The following HTATSF1 variants were observed in gnomAD, a reference collection of about 807,000 sequenced individuals.
HTATSF1 encodes 17S U2 SnRNP complex component HTATSF1.
A neutral mutation model predicts 46.1 loss-of-function variants in HTATSF1; 6 were observed. That is an observed-to-expected ratio of 0.13 (90% CI 0.07 to 0.26). The LOEUF is 0.26. HTATSF1 is among the 10% of genes least tolerant of loss of function. The pLI, the probability that HTATSF1 is intolerant of heterozygous loss-of-function variation, is 1.00. For missense variants in HTATSF1, 452 were observed against 559.9 expected, an observed-to-expected ratio of 0.81 and a Z score of 1.94; for synonymous variants, 226 against 211.5, an observed-to-expected ratio of 1.07 and a Z score of -0.60.
chrX:136,499,616 G>T lies in HTATSF1; in HGVS notation c.205G>T (p.Ala69Ser). The part of the protein sequence containing the change: ...WFPKITEDFI[A>S]TYQANYGFSN... ...TGTGTAGATTACTGAAGATTTCATT[G>T]CTACATATCAGGCCAATTATGGCTT... is the stretch of plus-strand genomic sequence containing the variant. The change falls in exon 2 of 9, where the codon GCT (alanine) becomes TCT (serine). Residue 69 changes from alanine to serine, a missense_variant. By Grantham distance (99) the Ala-to-Ser change is moderately conservative (BLOSUM62 1). Coordinates refer to ENST00000218364, the MANE Select transcript of HTATSF1 (RefSeq NM_014500.5). 1.7e-6 allele frequency: 2 copies of T among 1,171,273 alleles called. No homozygotes were observed. Among genetic ancestry groups the T allele is most frequent in the African/African-American group, 1.8e-5 (1 of 55,350 alleles).
rs1043193362 is a variant in HTATSF1, at chrX:136,504,403, C to A, written c.774C>A (p.Ser258=). 3.6e-5 allele frequency: 44 copies of A among 1,208,923 alleles called. No homozygotes were observed. The highest frequency in any genetic ancestry group is 4.7e-5 in the Non-Finnish European group (42 of 894,410). Residue 258 remains serine, a synonymous_variant, in exon 6 of 9, where the codon TCC becomes TCA. Coordinates refer to ENST00000218364, the MANE Select transcript of HTATSF1 (RefSeq NM_014500.5). ...GACCTGAGAGGCGAGCCGGACCATC[C>A]CGGATGCGCCATGAGCGAGTTGTCA... The part of the protein sequence containing the change: ...DWRPERRAGP[S]RMRHERVVII...
At chrX:136,510,367 ACTCTTC>A in intron 8 of HTATSF1, 148 bp downstream of exon 8, 2 of 364,003 alleles carry the variant, frequency 5.5e-6, no homozygotes, top group Non-Finnish European at 8.7e-6. Flanking sequence ...TTAATTTTTT[ACTCTTC>A]CTCTTAATTA....
intron 7 of HTATSF1, among the ~76,000 whole-genome samples, chrX:136,509,784 A>G (rs1432517553): frequency 1.8e-5 from 2 of 112,271 alleles, no homozygotes; most frequent in African/African-American, 6.5e-5. Flanking sequence ...TCCCAGGGCA[A>G]TATGACTTCA....
intron 4 of HTATSF1, among the ~76,000 whole-genome samples, chrX:136,502,099 C>T (rs919037789): frequency 1.8e-5 from 2 of 111,165 alleles, no homozygotes; most frequent in Non-Finnish European, 3.8e-5. Context: ...ATCTTTGACT[C>T]TGTTTGTATA....
intron 5 of HTATSF1, among the ~76,000 whole-genome samples, chrX:136,504,100 G>T (rs1193673512): frequency 1.8e-5 from 2 of 111,108 alleles, no homozygotes; most frequent in Non-Finnish European, 3.8e-5. Context: ...TGAACTCCTG[G>T]CCTCAAGTGA....
chrX:136,499,734 C>A lies in HTATSF1; in HGVS notation c.323C>A (p.Pro108His). Residue 108 changes from proline (P) to histidine (H), a missense_variant, in exon 2 of 9, where the codon CCC becomes CAC. Coordinates refer to ENST00000218364, the MANE Select transcript of HTATSF1 (RefSeq NM_014500.5). ...EEPPQEKAPE[P>H]TDARKKGEKR... ...CCTCCACAAGAAAAAGCCCCGGAAC[C>A]CACTGATGCCAGAAAGAAGGGAGAA... is the stretch of plus-strand genomic sequence containing the variant. 5 of 1,184,053 alleles carry A rather than the reference C, an allele frequency of 4.2e-6. No homozygotes were observed. Among genetic ancestry groups the A allele is most frequent in the Non-Finnish European group, 5.6e-6 (5 of 886,763 alleles).
chrX:136,497,888 G>A lies in HTATSF1; in HGVS notation c.186+18G>A. On this transcript the variant is annotated intron_variant, in intron 1 of 8. Coordinates refer to ENST00000218364, the MANE Select transcript of HTATSF1 (RefSeq NM_014500.5). ...TCCCCAAGGTAGGAGAGTGCCACGGGCGCCACTGCAGAGCGGGCCGCCTGG... is the reference window on the plus strand; with the variant it reads ...TCCCCAAGGTAGGAGAGTGCCACGGACGCCACTGCAGAGCGGGCCGCCTGG... The A allele has an allele frequency of 8.9e-7, 1 of 1,124,969 alleles. No homozygotes were observed. Among genetic ancestry groups the A allele is most frequent in the Non-Finnish European group, 1.2e-6 (1 of 841,196 alleles). 92.7% of individuals were successfully genotyped at this position (1,124,969 alleles called of 1,213,427 possible).
Position 136,512,145 on chromosome X carries a change from A to G in HTATSF1, c.*132A>G, listed in dbSNP as rs921517537. 16 of 659,381 alleles carry G rather than the reference A, an allele frequency of 2.4e-5. No individual in the cohort carries two copies. Among genetic ancestry groups the G allele is most frequent in the Non-Finnish European group, 3.6e-5 (16 of 446,370 alleles). The allele number at this position is 659,381 out of a possible 1,213,427, so 54.3% of individuals were successfully genotyped here. On this transcript the variant is annotated 3_prime_UTR_variant, in exon 9 of 9. Coordinates refer to ENST00000218364, the MANE Select transcript of HTATSF1 (RefSeq NM_014500.5). ...TCAGATTAAAGCATTGAAGTGTTTC[A>G]TTGTTACCTGTACCTAATGGTTTTA...
In HTATSF1 at chrX:136,511,498, G is replaced by A; in HGVS notation, c.1753G>A (p.Glu585Lys). 1 of 1,208,865 alleles carries A rather than the reference G, an allele frequency of 8.3e-7. No homozygotes were observed. The highest frequency in any genetic ancestry group is 1.1e-6 in the Non-Finnish European group (1 of 894,705). The change falls in exon 9 of 9, where the codon GAA becomes AAA. Residue 585 changes from glutamate (E) to lysine (K), a missense_variant. Physicochemically the swap from Glu to Lys is moderately conservative, Grantham distance 56. Around this residue, in one of 3 missense-constraint regions of HTATSF1, gnomAD observed 246 missense variants for 245.3 expected, o/e 1.00. Coordinates refer to ENST00000218364, the MANE Select transcript of HTATSF1 (RefSeq NM_014500.5). ...DEEGSEKELH[E>K]NVLDKELEEN... ...GGAAGGTTCTGAAAAGGAGCTTCAT[G>A]AAAATGTTCTTGACAAAGAGTTAGA...
Position 136,511,580 on chromosome X carries a change from A to G in HTATSF1, c.1835A>G (p.Asp612Gly). The G allele has an allele frequency of 8.3e-7, 1 of 1,211,248 alleles. No homozygotes were observed. Among genetic ancestry groups the G allele is most frequent in the Non-Finnish European group, 1.1e-6 (1 of 895,041 alleles). Reference protein sequence around the residue: ...FEDDGSEKVLDEEGSEREFDE... With the variant: ...FEDDGSEKVLGEEGSEREFDE... ...GATGACGGCTCTGAAAAAGTGTTAGATGAGGAAGGCTCTGAGAGAGAGTTT... is the reference window on the plus strand; with the variant it reads ...GATGACGGCTCTGAAAAAGTGTTAGGTGAGGAAGGCTCTGAGAGAGAGTTT... Residue 612 changes from aspartate to glycine, a missense_variant, in exon 9 of 9, where the codon GAT becomes GGT. Coordinates refer to ENST00000218364, the MANE Select transcript of HTATSF1 (RefSeq NM_014500.5).
rs1014958318 is a variant in HTATSF1 at position 136,510,881 on chromosome X, A to G, written c.1136A>G (p.Asn379Ser). ...GCTTTCCTCAATGCTCCTGAGGCCA[A>G]CAGAGGCCTTAGGCGTTCAGATTCT... ...WEAFLNAPEA[N>S]RGLRRSDSVS... is the part of the protein sequence containing the mutation. The change falls in exon 9 of 9, where the codon AAC becomes AGC. Residue 379 changes from asparagine (N) to serine (S), a missense_variant. Physicochemically the swap from Asn to Ser is conservative, Grantham distance 46 (BLOSUM62 1). Coordinates refer to ENST00000218364, the MANE Select transcript of HTATSF1 (RefSeq NM_014500.5). 9 of 1,208,459 alleles carry G rather than the reference A, an allele frequency of 7.4e-6. No homozygotes were observed. The African/African-American group carries it at 1.1e-4, about 14-fold the overall frequency.
At chrX:136,497,986 T>A in intron 1 of HTATSF1, 116 bp downstream of exon 1, 1 of 457,620 alleles carries the variant, frequency 2.2e-6, no homozygotes, top group Non-Finnish European at 3.5e-6. Context: ...CCCCCTTGAA[T>A]AGCGACGCTT....
rs1396633438 is a variant in HTATSF1, at chrX:136,511,902, C to G, written c.2157C>G (p.Asp719Glu). The change falls in exon 9 of 9, where the codon GAC becomes GAG. Residue 719 changes from aspartate (D) to glutamate (E), a missense_variant. Physicochemically the swap from Asp to Glu is conservative, Grantham distance 45. This residue lies in a region of HTATSF1 where 246 missense variants were observed against 245.3 expected (regional missense o/e 1.00). Coordinates refer to ENST00000218364, the MANE Select transcript of HTATSF1 (RefSeq NM_014500.5). ...AAGATTCCAGTGAGAAGTTGTTTGA[C>G]GATTCTGATGAGAGGGGGACTTTGG... ...EEEDSSEKLF[D>E]DSDERGTLGG... The G allele has an allele frequency of 5.8e-6, 7 of 1,211,488 alleles. No homozygotes were observed. Among genetic ancestry groups the G allele is most frequent in the Non-Finnish European group, 7.8e-6 (7 of 895,388 alleles).
At chrX:136,504,342 T>C (rs188432836) in intron 5 of HTATSF1, 22 bp from the exon 6 acceptor site, 11 of 1,163,569 alleles carry the variant, frequency 9.5e-6, no homozygotes, top group Non-Finnish European at 1.2e-5. Flanking sequence ...TACAGTTTGT[T>C]GTTACTGCTT....
At chrX:136,504,503 C>T in intron 6 of HTATSF1, 40 bp downstream of exon 6, 1 of 1,033,008 alleles carries the variant, frequency 9.7e-7, no homozygotes, top group Non-Finnish European at 1.3e-6. Flanking sequence ...TGCTGATAGG[C>T]TTTTTTTCTC....
chrX:136,498,270 T>C (rs1425125236), intron 1 of HTATSF1, among the ~76,000 whole-genome samples: 3 of 112,129 alleles, frequency 2.7e-5, no homozygotes, highest in Admixed American at 1.9e-4. Context: ...CTTGATTTCT[T>C]TTTTAAAGTA....
intron 4 of HTATSF1, 90 bp downstream of exon 4, chrX:136,500,908 A>G (rs1011856789): frequency 6.7e-6 from 4 of 597,275 alleles, no homozygotes; most frequent in Non-Finnish European, 9.9e-6. Context: ...ACCAACACCA[A>G]GAACTGTTCA....
Position 136,512,019 on chromosome X carries a change from T to C in HTATSF1, c.*6T>C, listed in dbSNP as rs748614558. On this transcript the variant is annotated 3_prime_UTR_variant, in exon 9 of 9. Transcript: ENST00000218364. ...ATGATGACGATGATATTTAATCCCT[T>C]AAACTTGCTTTTTAGGGAGAGTCCT... 2.8e-5 allele frequency: 33 copies of C among 1,183,686 alleles called. No homozygotes were observed. The highest frequency in any genetic ancestry group is 3.1e-5 in the Non-Finnish European group (27 of 882,754).
chrX:136,501,890 TCTG>T (rs1366621677), intron 4 of HTATSF1, among the ~76,000 whole-genome samples: 2 of 111,932 alleles, frequency 1.8e-5, no homozygotes, highest in African/African-American at 3.3e-5. Context: ...TATTAAAAAA[TCTG>T]CGAACAGATT....
Sources: gnomAD v4.1 joint callset for allele counts (sites outside exome capture counted in the v4.1 genomes callset) on GRCh38, gnomAD v4.1.1 for gene constraint, gnomAD v4.1.1 regional missense constraint, MANE v1.5 for transcripts, NCBI Gene and HGNC (gene_info 2026-07-23, HGNC 2026-07-21) for gene names.